IGSF11: variants seen among roughly 807,000 people sequenced by gnomAD.
IGSF11 encodes immunoglobulin superfamily member 11.
A neutral mutation model predicts 41.0 loss-of-function variants in IGSF11; 22 were observed. That is an observed-to-expected ratio of 0.54 (90% CI 0.38 to 0.77). The LOEUF (loss-of-function observed/expected upper bound fraction) is 0.77, where lower values mean the gene tolerates loss of function less well. IGSF11 is among the 30% of genes least tolerant of loss of function. The pLI is 0.00. For missense variants in IGSF11, 444 were observed against 530.8 expected, an observed-to-expected ratio of 0.84 and a Z score of 1.61; for synonymous variants, 219 against 201.3, an observed-to-expected ratio of 1.09 and a Z score of -0.74.
chr3:119,139,236 C>T (rs182436984), intron 1 of IGSF11, among the ~76,000 whole-genome samples: 34 of 152,136 alleles, frequency 2.2e-4, no homozygotes, highest in East Asian at 1.9e-3. Context: ...CACTATCAAA[C>T]GATCCTGCCA....
At chr3:119,069,038 T>C (rs1049769491) in intron 1 of IGSF11, among the ~76,000 whole-genome samples, 1 of 150,618 alleles carries the variant, frequency 6.6e-6, no homozygotes, top group East Asian at 2.0e-4. Flanking sequence ...GCCATTCTCC[T>C]GCCTCAGCCT....
intron 1 of IGSF11, among the ~76,000 whole-genome samples, chr3:118,935,751 G>A (rs1026195052): frequency 2.0e-5 from 3 of 152,116 alleles, no homozygotes; most frequent in African/African-American, 4.8e-5. Context: ...GTAGAGGAAA[G>A]TTGAAGCCGG....
At chr3:119,023,692 C>T (rs897534435) in intron 1 of IGSF11, among the ~76,000 whole-genome samples, 1 of 152,080 alleles carries the variant, frequency 6.6e-6, no homozygotes, top group East Asian at 1.9e-4. Flanking sequence ...AGTTCACTTG[C>T]CACAGTTGGG....
At chr3:118,975,040 C>T (rs891740461) in intron 1 of IGSF11, among the ~76,000 whole-genome samples, 36 of 152,110 alleles carry the variant, frequency 2.4e-4, no homozygotes, top group African/African-American at 8.0e-4. Context: ...TAGCTCAACC[C>T]TCCTTCCATG....
chr3:119,035,151 A>G (rs1033643734), upstream of IGSF11, among the ~76,000 whole-genome samples: 5 of 152,216 alleles, frequency 3.3e-5, no homozygotes, highest in Admixed American at 6.5e-5. Flanking sequence ...ACCCCTCCGC[A>G]AACAGGTGGT....
At chr3:119,100,124 A>G (rs1183746752) in intron 1 of IGSF11, among the ~76,000 whole-genome samples, 8 of 152,336 alleles carry the variant, frequency 5.3e-5, no homozygotes, top group East Asian at 1.9e-4. Flanking sequence ...TTAGACTGCA[A>G]TTGTGGGTAA....
In IGSF11 at chr3:118,961,712, G is replaced by A. The variant is rs1201897770; in HGVS notation, c.53-31437C>T. ...GAGTGAGTTCAGACAATAATAGGGT[G>A]CACTGTTTGCAATCAACTTAAAAAT... On this transcript the variant is annotated intron_variant, in intron 1 of 6. Coordinates refer to ENST00000393775, the MANE Select transcript of IGSF11 (RefSeq NM_001015887.3). Among the ~76,000 whole-genome samples, 2 of 152,166 alleles carry A rather than the reference G, an allele frequency of 1.3e-5. 1 individual carries two copies. The highest frequency in any genetic ancestry group is 4.1e-4 in the South Asian group (2 of 4,826).
chr3:118,906,734 A>G (rs1879552), intron 4 of IGSF11, among the ~76,000 whole-genome samples: 40,038 of 152,154 alleles, frequency 0.26, 7,286 homozygotes, highest in African/African-American at 0.51. Flanking sequence ...TTATTCCTAT[A>G]AAATACAAAT....
Position 118,900,993 on chromosome 3 carries a change from G to A in IGSF11, c.*1527C>T, listed in dbSNP as rs915390400. The stretch of plus-strand genomic sequence containing the variant: ...GGAAGCCACTCCCTGTGAAGACTAC[G>A]CTTGCAGGAGAAGAGAGCAAAAAGT... On this transcript the variant is annotated 3_prime_UTR_variant, in exon 7 of 7. Coordinates refer to ENST00000393775, the MANE Select transcript of IGSF11 (RefSeq NM_001015887.3). The A allele has an allele frequency of 6.6e-6, 1 of 152,584 alleles. No individual in the cohort carries two copies. Among genetic ancestry groups the A allele is most frequent in the Non-Finnish European group, 1.5e-5 (1 of 68,020 alleles). The allele number at this position is 152,584 out of a possible 1,614,324, so 9.5% of individuals were successfully genotyped here.
intron 1 of IGSF11, among the ~76,000 whole-genome samples, chr3:118,938,104 C>A (rs1943417277): frequency 6.6e-6 from 1 of 151,558 alleles, no homozygotes; most frequent in Admixed American, 6.6e-5. Context: ...TGTATACATG[C>A]TTACTTGATT....
intron 1 of IGSF11, among the ~76,000 whole-genome samples, chr3:118,995,862 A>G (rs933133795): frequency 5.9e-5 from 9 of 152,114 alleles, no homozygotes; most frequent in African/African-American, 2.2e-4. Flanking sequence ...TGTGTTAGCC[A>G]GGATGGTCTC....
chr3:119,110,390 T>A (rs1242616750), intron 1 of IGSF11, among the ~76,000 whole-genome samples: 2 of 152,196 alleles, frequency 1.3e-5, no homozygotes, highest in African/African-American at 4.8e-5. Flanking sequence ...AAAGTCTGTT[T>A]TATCAGAGAC....
At chr3:119,010,360 G>A (rs981927104) in intron 1 of IGSF11, among the ~76,000 whole-genome samples, 17 of 152,230 alleles carry the variant, frequency 1.1e-4, no homozygotes, top group African/African-American at 3.6e-4. Flanking sequence ...AAAGATGAGA[G>A]CGACGGTTAA....
chr3:119,059,288 T>C (rs1941975324), intron 1 of IGSF11, among the ~76,000 whole-genome samples: 1 of 152,058 alleles, frequency 6.6e-6, no homozygotes, highest in African/African-American at 2.4e-5. Context: ...TGGAGACCAT[T>C]ATTCTATGTG....
chr3:118,932,651 A>G (rs911542355), intron 1 of IGSF11, among the ~76,000 whole-genome samples: 3 of 152,260 alleles, frequency 2.0e-5, no homozygotes, highest in African/African-American at 7.2e-5. Context: ...GGCAATGAAC[A>G]GAATGAGCTA....
intron 1 of IGSF11, chr3:119,112,554 G>A (rs2077194193): frequency 6.6e-6 from 1 of 152,550 alleles, no homozygotes; most frequent in Non-Finnish European, 1.5e-5. Context: ...TCCCGAGTGA[G>A]GCAATGCCTT....
At chr3:119,004,474 C>G (rs1937266935) in intron 1 of IGSF11, among the ~76,000 whole-genome samples, 1 of 150,216 alleles carries the variant, frequency 6.7e-6, no homozygotes, top group South Asian at 2.1e-4. Flanking sequence ...CAGTTCTGCT[C>G]TGATTTTAGT....
upstream of IGSF11, among the ~76,000 whole-genome samples, chr3:119,038,184 C>G (rs2866466): frequency 0.2 from 30,165 of 151,556 alleles, 3,131 homozygotes; most frequent in Admixed American, 0.27. Flanking sequence ...GAATGGGAAA[C>G]AAAATAGTGG....
At chr3:119,134,989 T>A (rs1477289928) in intron 1 of IGSF11, among the ~76,000 whole-genome samples, 1 of 152,190 alleles carries the variant, frequency 6.6e-6, no homozygotes, top group Non-Finnish European at 1.5e-5. Context: ...AAAGTGGTGC[T>A]GGGAAAACTA....
Sources: allele counts gnomAD v4.1 joint callset (sites outside exome capture counted in the v4.1 genomes callset), GRCh38; gene constraint gnomAD v4.1.1; transcripts MANE v1.5; gene names NCBI Gene and HGNC (gene_info 2026-07-23, HGNC 2026-07-21).